KTN1: variants seen among roughly 807,000 people sequenced by gnomAD.
KTN1 encodes the protein kinectin 1, also known as kinectin.
KTN1 carries 130 observed loss-of-function variants against 222.5 expected under a neutral mutation model. The observed-to-expected ratio is 0.58, with a 90% CI of 0.51 to 0.68. The LOEUF (loss-of-function observed/expected upper bound fraction) is 0.68, where lower values mean the gene tolerates loss of function less well. Among genes scored for constraint, KTN1 ranks in the 30% least tolerant of loss-of-function variants. The pLI is 0.00. For synonymous variants in KTN1, 512 were observed against 496.3 expected (o/e 1.03, Z -0.42); for missense variants, 1,508 against 1,500.4 (o/e 1.01, Z -0.08).
intron 1 of KTN1, among the ~76,000 whole-genome samples, chr14:55,580,598 G>T (rs1367731472): frequency 6.6e-6 from 1 of 151,718 alleles, no homozygotes; most frequent in Non-Finnish European, 1.5e-5. Flanking sequence ...TCGCGGGGCC[G>T]CTCTGGGCCC....
rs565496628 is a variant in KTN1, at chr14:55,671,484, C to T, written c.3349-82C>T. ...CACTTTGAAACCATTTATCATAATA[C>T]AGTATTAAGTACTAAAACAAACTTG... On this transcript the variant is annotated intron_variant, in intron 35 of 43. Coordinates refer to ENST00000395314, the MANE Select transcript of KTN1 (RefSeq NM_001079521.2). 5.9e-5 allele frequency: 52 copies of T among 885,910 alleles called. 1 individual carries two copies. The highest frequency in any genetic ancestry group is 6.5e-4 in the Middle Eastern group (2 of 3,088). 54.9% of individuals were successfully genotyped at this position (885,910 alleles called of 1,614,324 possible). A position where few individuals can be genotyped will look rare whatever the true frequency, so the allele number is the denominator to read the frequency against.
intron 9 of KTN1, among the ~76,000 whole-genome samples, chr14:55,635,832 A>C (rs1015194694): frequency 3.9e-5 from 6 of 152,328 alleles, no homozygotes; most frequent in Admixed American, 3.3e-4. Flanking sequence ...AGGAGTTAAA[A>C]AGGCTTCAAG....
Position 55,651,908 on chromosome 14 carries a change from G to A in KTN1, c.2584G>A (p.Val862Ile). Residue 862 changes from valine (V) to isoleucine (I), a missense_variant, in exon 25 of 44, where the codon GTT becomes ATT. Val to Ile is a conservative substitution (Grantham distance 29). Coordinates refer to ENST00000395314, the MANE Select transcript of KTN1 (RefSeq NM_001079521.2). ...ATTTCAGTTATCTATCACTTCCAAA[G>A]TTCAGGAGCTTCAGAACTTGTAAGT... ...KAQQLSITSKVQELQNLLKGK... is the reference protein window; with the variant it reads ...KAQQLSITSKIQELQNLLKGK... 1 of 1,572,602 alleles carries A rather than the reference G, an allele frequency of 6.4e-7. No individual in the cohort carries two copies. The highest frequency in any genetic ancestry group is 8.7e-7 in the Non-Finnish European group (1 of 1,148,802).
intron 2 of KTN1, among the ~76,000 whole-genome samples, chr14:55,615,911 C>CT (rs1213732077): frequency 1.5e-5 from 2 of 137,304 alleles, no homozygotes; most frequent in Admixed American, 7.6e-5. Flanking sequence ...TCTTTTCTTT[C>CT]TTCTTTCTTT....
At chr14:55,628,883 T>G (rs976238118) in intron 6 of KTN1, among the ~76,000 whole-genome samples, 9 of 152,238 alleles carry the variant, frequency 5.9e-5, no homozygotes, top group Admixed American at 5.2e-4. Flanking sequence ...TGTGTATACT[T>G]CTAAGTATGT....
chr14:55,639,951 A>G lies in KTN1; in HGVS notation c.1862A>G (p.Asp621Gly). The change falls in exon 14 of 44, where the codon GAT (aspartate) becomes GGT (glycine). Residue 621 changes from aspartate to glycine, a missense_variant. Transcript: ENST00000395314. ...GATAAGCAGATAAAACAGACTGAAG[A>G]TTCTTTAGCAAGTGAACGTGATCGT... is the stretch of plus-strand genomic sequence containing the variant. ...EKDKQIKQTE[D>G]SLASERDRLT... 1 of 1,609,300 alleles carries G rather than the reference A, an allele frequency of 6.2e-7. No individual in the cohort carries two copies. Among genetic ancestry groups the G allele is most frequent in the Non-Finnish European group, 8.5e-7 (1 of 1,176,166 alleles).
chr14:55,640,499 T>C (rs2041666438), intron 15 of KTN1, 57 bp downstream of exon 15: 1 of 1,211,288 alleles, frequency 8.3e-7, no homozygotes, highest in Non-Finnish European at 1.2e-6. Flanking sequence ...CGTATTCTTA[T>C]TTTCATTGAT....
chr14:55,683,642 C>T (rs1426207744), intron 43 of KTN1: 1 of 151,410 alleles, frequency 6.6e-6, no homozygotes, highest in Non-Finnish European at 1.5e-5. Context: ...CTTAGTCTCT[C>T]TAATGGCTTT....
rs1431061358 is a variant in KTN1 at position 55,679,634 on chromosome 14, C to G, written c.4018C>G (p.Gln1340Glu). Residue 1340 changes from glutamine to glutamate, a missense_variant, in exon 43 of 44, where the codon CAG becomes GAG. Physicochemically the swap from Gln to Glu is conservative, Grantham distance 29. Transcript: ENST00000395314. Reference sequence around the variant, plus strand: ...TGTAACACAGTTACAGCAGTTGCTTCAGGCGGTAAACCAACAGCTCACAAA... The same window carrying G: ...TGTAACACAGTTACAGCAGTTGCTTGAGGCGGTAAACCAACAGCTCACAAA... ...QTVTQLQQLL[Q>E]AVNQQLTKEK... 5.0e-6 allele frequency: 8 copies of G among 1,613,502 alleles called. No individual in the cohort carries two copies. Among genetic ancestry groups the G allele is most frequent in the Non-Finnish European group, 6.8e-6 (8 of 1,179,472 alleles).
intron 15 of KTN1, 74 bp downstream of exon 15, chr14:55,640,516 A>G: frequency 2.0e-6 from 2 of 1,023,742 alleles, no homozygotes; most frequent in East Asian, 2.4e-5. Context: ...TGATATTGTG[A>G]GCCCCAATTT....
At chr14:55,593,436 A>ACC (rs59170918) in intron 1 of KTN1, among the ~76,000 whole-genome samples, 5,900 of 89,042 alleles carry the variant, frequency 0.066, 243 homozygotes, top group East Asian at 0.091. Flanking sequence ...AGAAATAGAC[A>ACC]CCCCCCCCCC....
chr14:55,614,381 G>A (rs1414687964), intron 2 of KTN1, among the ~76,000 whole-genome samples: 1 of 152,174 alleles, frequency 6.6e-6, no homozygotes, highest in African/African-American at 2.4e-5. Flanking sequence ...AAGAAACAAA[G>A]TTGAGAAGTA....
chr14:55,675,750 CA>C, intron 40 of KTN1, 84 bp from the exon 41 acceptor site: 1 of 840,890 alleles, frequency 1.2e-6, no homozygotes, highest in Non-Finnish European at 2.0e-6. Flanking sequence ...TTAGCAGTCC[CA>C]TTCATTCTTC....
chr14:55,625,627 T>A (rs2039712331), intron 5 of KTN1, among the ~76,000 whole-genome samples: 1 of 152,220 alleles, frequency 6.6e-6, no homozygotes, highest in South Asian at 2.1e-4. Flanking sequence ...AGCTTCTTTA[T>A]TCATCTCTTG....
At chr14:55,644,550 CAG>C (rs2042107971) in intron 18 of KTN1, 2 of 446,560 alleles carry the variant, frequency 4.5e-6, no homozygotes, top group Admixed American at 3.8e-5. Flanking sequence ...TTCATTTACT[CAG>C]AATAAGACTT....
intron 43 of KTN1, 77 bp downstream of exon 43, chr14:55,679,762 A>G: frequency 7.3e-7 from 1 of 1,378,428 alleles, no homozygotes; most frequent in Non-Finnish European, 1.0e-6. Flanking sequence ...ACATAAATAA[A>G]CTCACTTCAC....
chr14:55,605,519 C>T (rs2036600327), intron 1 of KTN1, among the ~76,000 whole-genome samples: 1 of 152,146 alleles, frequency 6.6e-6, no homozygotes, highest in African/African-American at 2.4e-5. Flanking sequence ...GTACTCTGGG[C>T]ACCACCAGCT....
chr14:55,675,121 G>C (rs191496812), intron 40 of KTN1: 5 of 152,290 alleles, frequency 3.3e-5, no homozygotes, highest in Non-Finnish European at 7.4e-5. Context: ...AAGTGCCCAT[G>C]GGTGGGAAGC....
At chr14:55,644,461 T>C (rs887477222) in intron 18 of KTN1, 9 of 700,774 alleles carry the variant, frequency 1.3e-5, no homozygotes, top group African/African-American at 8.8e-5. Flanking sequence ...AACCTGTTGA[T>C]ACCCTAAAGG....
Sources: allele counts gnomAD v4.1 joint callset (sites outside exome capture counted in the v4.1 genomes callset), GRCh38; gene constraint gnomAD v4.1.1; transcripts MANE v1.5; gene names NCBI Gene and HGNC (gene_info 2026-07-23, HGNC 2026-07-21).